The following CTCF variants were observed in gnomAD, a reference collection of about 807,000 sequenced individuals.
The protein encoded by CTCF is CCCTC-binding factor.
In CTCF, 7 loss-of-function variants were observed where a neutral mutation model predicts 72.3. The ratio of observed to expected loss-of-function variants is 0.10; its 90% CI spans 0.06 to 0.18. The LOEUF is 0.18. Among genes scored for constraint, CTCF ranks in the 10% least tolerant of loss-of-function variants. The pLI, the probability that CTCF is intolerant of heterozygous loss-of-function variation, is 1.00. For synonymous variants in CTCF, 374 were observed against 315.8 expected (o/e 1.18, Z -1.95); for missense variants, 516 against 949.1 (o/e 0.54, Z 6.00).
At chr16:67,589,052 G>T (rs369929156) in intron 2 of CTCF, among the ~76,000 whole-genome samples, 99 of 152,204 alleles carry the variant, frequency 6.5e-4, no homozygotes, top group African/African-American at 1.6e-3. Context: ...AACATGTTGG[G>T]AGGCTGAGGC....
chr16:67,567,671 G>A (rs1196060530), intron 1 of CTCF, among the ~76,000 whole-genome samples: 1 of 151,612 alleles, frequency 6.6e-6, no homozygotes, highest in Non-Finnish European at 1.5e-5. Context: ...GCTCACTGCA[G>A]CCTTGAACTC....
intron 9 of CTCF, 100 bp downstream of exon 9, chr16:67,628,652 C>CAGAG: frequency 8.5e-7 from 1 of 1,171,840 alleles, no homozygotes; most frequent in Non-Finnish European, 1.2e-6. Flanking sequence ...AGGTTATAAA[C>CAGAG]AGAGATGCTC....
chr16:67,587,634 GCTT>G (rs2051685562), intron 2 of CTCF, among the ~76,000 whole-genome samples: 1 of 151,628 alleles, frequency 6.6e-6, no homozygotes, highest in Non-Finnish European at 1.5e-5. Context: ...AAACTTCAAG[GCTT>G]ACTCTGCTTG....
chr16:67,564,233 G>A (rs1193932761), intron 1 of CTCF, among the ~76,000 whole-genome samples: 1 of 152,170 alleles, frequency 6.6e-6, no homozygotes, highest in Non-Finnish European at 1.5e-5. Flanking sequence ...GGAGTCTTTT[G>A]CTTTTCCGTA....
At chr16:67,586,307 C>T (rs1184653011) in intron 2 of CTCF, among the ~76,000 whole-genome samples, 5 of 150,968 alleles carry the variant, frequency 3.3e-5, no homozygotes, top group African/African-American at 4.9e-5. Context: ...AAGGCCGAGG[C>T]GGGTGGATCA....
intron 4 of CTCF, chr16:67,614,478 C>G (rs1172549070): frequency 6.6e-6 from 1 of 152,124 alleles, no homozygotes; most frequent in East Asian, 1.9e-4. Flanking sequence ...GGGTGGATCA[C>G]TTGAGGTCAG....
intron 2 of CTCF, among the ~76,000 whole-genome samples, chr16:67,575,488 A>G (rs1197405293): frequency 6.6e-6 from 1 of 151,904 alleles, no homozygotes; most frequent in Non-Finnish European, 1.5e-5. Context: ...CTCTGTCGCC[A>G]GGCTGGAGTG....
intron 2 of CTCF, among the ~76,000 whole-genome samples, chr16:67,579,758 C>T (rs1219072751): frequency 6.6e-6 from 1 of 152,136 alleles, no homozygotes; most frequent in Non-Finnish European, 1.5e-5. Context: ...ATATACACAT[C>T]TTTAGGCTCG....
intron 2 of CTCF, among the ~76,000 whole-genome samples, chr16:67,584,774 A>T (rs1017053962): frequency 1.3e-5 from 2 of 152,204 alleles, no homozygotes; most frequent in African/African-American, 4.8e-5. Flanking sequence ...CATTTTACAG[A>T]TAAGAAAACT....
intron 10 of CTCF, among the ~76,000 whole-genome samples, chr16:67,631,251 C>T (rs1029198200): frequency 3.1e-4 from 47 of 150,800 alleles, no homozygotes; most frequent in African/African-American, 1.0e-3. Context: ...CTGCAACCTC[C>T]ACCTTCTGGG....
intron 7 of CTCF, among the ~76,000 whole-genome samples, chr16:67,626,082 C>T (rs1207295872): frequency 1.9e-4 from 29 of 152,076 alleles, no homozygotes; most frequent in Non-Finnish European, 3.5e-4. Context: ...AATTGTTCTC[C>T]CTGCACCTGT....
chr16:67,611,315 T>C lies in CTCF; in HGVS notation c.483T>C (p.Pro161=). ...TGATATGCCACACCCTACCTTTGCC[T>C]GAAGGGTTTCAGGTGGTTAAAGTGG... ...EPMICHTLPL[P]EGFQVVKVGA... Residue 161 remains proline, a synonymous_variant, in exon 3 of 12, where the codon CCT becomes CCC. Coordinates refer to ENST00000264010, the MANE Select transcript of CTCF (RefSeq NM_006565.4). 1 of 1,614,066 alleles carries C rather than the reference T, an allele frequency of 6.2e-7. No homozygotes were observed. Among genetic ancestry groups the C allele is most frequent in the Non-Finnish European group, 8.5e-7 (1 of 1,180,008 alleles).
chr16:67,614,353 A>G (rs2052102452), intron 4 of CTCF: 2 of 153,670 alleles, frequency 1.3e-5, no homozygotes, highest in Non-Finnish European at 2.9e-5. Flanking sequence ...TCTCAAAAAA[A>G]AAAAAAAAAA....
intron 2 of CTCF, among the ~76,000 whole-genome samples, chr16:67,603,256 C>A (rs532332840): frequency 6.6e-6 from 1 of 151,962 alleles, no homozygotes; most frequent in Non-Finnish European, 1.5e-5. Flanking sequence ...TTAGGCCGGG[C>A]GCAGTGGCTC....
chr16:67,628,503 T>C lies in CTCF; in HGVS notation c.1652T>C (p.Val551Ala). The C allele has an allele frequency of 6.2e-7, 1 of 1,614,230 alleles. No individual in the cohort carries two copies. The highest frequency in any genetic ancestry group is 8.5e-7 in the Non-Finnish European group (1 of 1,180,036). Residue 551 changes from valine to alanine, a missense_variant, in exon 9 of 12, where the codon GTC becomes GCC. Val to Ala is a moderately conservative substitution (Grantham distance 64). Coordinates refer to ENST00000264010, the MANE Select transcript of CTCF (RefSeq NM_006565.4). ...AAGCGCTATCACGACCCCAACTTCG[T>C]CCCTGCGGCTTTTGTCTGTTCTAAG... ...HFKRYHDPNF[V>A]PAAFVCSKCG...
In CTCF at chr16:67,637,974, A is replaced by T; in HGVS notation, c.*102A>T. ...TTCTTTTTTTGGCTTTGGGAAAAGC[A>T]TCATTTTACCAAACATACCGAGAAC... On this transcript the variant is annotated 3_prime_UTR_variant, in exon 12 of 12. Coordinates refer to ENST00000264010, the MANE Select transcript of CTCF (RefSeq NM_006565.4). 2 of 1,106,146 alleles carry T rather than the reference A, an allele frequency of 1.8e-6. No homozygotes were observed. The highest frequency in any genetic ancestry group is 2.5e-6 in the Non-Finnish European group (2 of 794,526). The allele number at this position is 1,106,146 out of a possible 1,614,324, so 68.5% of individuals were successfully genotyped here.
At chr16:67,632,889 AAGAG>A (rs1175434217) in intron 10 of CTCF, among the ~76,000 whole-genome samples, 1 of 152,216 alleles carries the variant, frequency 6.6e-6, no homozygotes, top group Non-Finnish European at 1.5e-5. Context: ...GTTCCAGAGA[AAGAG>A]AGTGCATGTT....
At chr16:67,600,840 T>C (rs1483640620) in intron 2 of CTCF, among the ~76,000 whole-genome samples, 1 of 152,012 alleles carries the variant, frequency 6.6e-6, no homozygotes, top group African/African-American at 2.4e-5. Flanking sequence ...GGAAAAAAAA[T>C]GTGTCCTGTA....
chr16:67,597,698 GT>G (rs1360858925), intron 2 of CTCF, among the ~76,000 whole-genome samples: 1 of 152,084 alleles, frequency 6.6e-6, no homozygotes, highest in South Asian at 2.1e-4. Context: ...GATAACTTCT[GT>G]TTTTTTCCTA....
Sources: allele counts gnomAD v4.1 joint callset (sites outside exome capture counted in the v4.1 genomes callset), GRCh38; gene constraint gnomAD v4.1.1; transcripts MANE v1.5; gene names NCBI Gene and HGNC (gene_info 2026-07-23, HGNC 2026-07-21).